Variants in DACT2 observed in about 807,000 individuals in gnomAD.
DACT2 encodes dishevelled binding antagonist of beta catenin 2, also known as dapper homolog 2.
In DACT2, 20 loss-of-function variants were observed where a neutral mutation model predicts 22.2. That is an observed-to-expected ratio of 0.90 (90% CI 0.63 to 1.31). The LOEUF (loss-of-function observed/expected upper bound fraction) is 1.31, where lower values mean the gene tolerates loss of function less well. Ranked by LOEUF, DACT2 falls within the 50% of genes most tolerant of loss-of-function variation. The pLI is 0.00. For missense variants in DACT2, 1,048 were observed against 1,061.4 expected (o/e 0.99, Z 0.18); for synonymous variants, 463 against 479.8 (o/e 0.96, Z 0.46).
In DACT2 at chr6:168,318,433, C is replaced by T. The variant is rs1015330425; in HGVS notation, c.246+955G>A. Among the ~76,000 whole-genome samples the T allele has an allele frequency of 2.0e-5, 3 of 152,180 alleles. No homozygotes were observed. The South Asian group carries it at 6.2e-4, about 31-fold the overall frequency. On this transcript the variant is annotated intron_variant, in intron 1 of 3. Coordinates refer to ENST00000366795, the MANE Select transcript of DACT2 (RefSeq NM_214462.5). ...AACCTGGCTGAGCGAGCGAGGCAGA[C>T]GGTCATGCCGCAGCTTCACCTGGGC...
intron 5 of DACT2, chr6:168,294,086 G>T (rs1583287227): frequency 1.4e-6 from 1 of 702,976 alleles, no homozygotes; most frequent in East Asian, 2.7e-5. Flanking sequence ...GATGGCAGTT[G>T]TGCAGCTAGA....
At chr6:168,305,633 G>GT (rs1779189820), downstream of DACT2, among the ~76,000 whole-genome samples, 2 of 152,214 alleles carry the variant, frequency 1.3e-5, no homozygotes, top group Non-Finnish European at 2.9e-5. Flanking sequence ...TGCGTGGACT[G>GT]AGGCTGCGCC....
downstream of DACT2, among the ~76,000 whole-genome samples, chr6:168,304,837 G>A (rs1018798344): frequency 8.5e-5 from 13 of 152,222 alleles, no homozygotes; most frequent in Admixed American, 4.6e-4. Context: ...GCCTGGTCCC[G>A]CAGAACACTG....
chr6:168,298,701 T>A (rs1296638331), intron 3 of DACT2: 1 of 152,216 alleles, frequency 6.6e-6, no homozygotes, highest in Non-Finnish European at 1.5e-5. Flanking sequence ...ATACATAAGC[T>A]GTGATCTGTT....
Position 168,311,146 on chromosome 6 carries a change from T to C in DACT2, c.379+6A>G, listed in dbSNP as rs532233239. 102 of 1,519,550 alleles carry C rather than the reference T, an allele frequency of 6.7e-5. No homozygotes were observed. Among genetic ancestry groups the C allele is most frequent in the Non-Finnish European group, 9.0e-5 (102 of 1,127,442 alleles). The allele number at this position is 1,519,550 out of a possible 1,614,324, so 94.1% of individuals were successfully genotyped here. A position where few individuals can be genotyped will look rare whatever the true frequency, so the allele number is the denominator to read the frequency against. On this transcript the variant is annotated splice_donor_region_variant and intron_variant, in intron 2 of 3. Coordinates refer to ENST00000366795, the MANE Select transcript of DACT2 (RefSeq NM_214462.5). The stretch of plus-strand genomic sequence containing the variant: ...CTGTGTCCGGGAGGTCAGGGCGCCC[T>C]GGTACCTGAGCTGGGCCTGCTGTCG...
intron 3 of DACT2, chr6:168,299,228 G>A (rs541494476): frequency 7.9e-5 from 12 of 152,228 alleles, no homozygotes; most frequent in African/African-American, 2.6e-4. Flanking sequence ...CCAGTAGCTG[G>A]TGCAGGTCTC....
rs113822899 is a variant in DACT2, at chr6:168,319,613, G to C, written c.21C>G (p.Pro7=). The change falls in exon 1 of 4, where the codon CCC becomes CCG. Residue 7 remains proline, a synonymous_variant. Transcript: ENST00000366795. ...GGCGGTCCCAGCCCGCGGACCCCGG[G>C]GGTCCGCCCGGCGTCCACATCTCCC... The part of the protein sequence containing the change: MWTPGG[P]PGSAGWDRRR... The C allele has an allele frequency of 7.6e-7, 1 of 1,310,202 alleles. No homozygotes were observed. The highest frequency in any genetic ancestry group is 9.7e-7 in the Non-Finnish European group (1 of 1,028,040). The allele number at this position is 1,310,202 out of a possible 1,614,324, so 81.2% of individuals were successfully genotyped here.
At chr6:168,314,705 C>G (rs914644047) in intron 1 of DACT2, among the ~76,000 whole-genome samples, 8 of 152,150 alleles carry the variant, frequency 5.3e-5, no homozygotes, top group African/African-American at 7.2e-5. Flanking sequence ...ATGAAAAATG[C>G]CTTACTGTTC....
At chr6:168,300,775 A>G (rs926336227) in intron 3 of DACT2, among the ~76,000 whole-genome samples, 2 of 152,096 alleles carry the variant, frequency 1.3e-5, no homozygotes, top group Non-Finnish European at 2.9e-5. Context: ...TTACGAGGTC[A>G]GGAGATTGGG....
exon 6 of DACT2, chr6:168,293,781 G>C (rs879752376): frequency 4.4e-6 from 3 of 684,042 alleles, no homozygotes; most frequent in African/African-American, 3.6e-5. Flanking sequence ...GTGACTTGGC[G>C]GGCAGAGGGG....
At chr6:168,314,115 T>C (rs1214968327) in intron 1 of DACT2, among the ~76,000 whole-genome samples, 2 of 152,200 alleles carry the variant, frequency 1.3e-5, no homozygotes, top group Non-Finnish European at 2.9e-5. Context: ...TCACAAAATA[T>C]ATGTGGCCAG....
rs1347078635 is a variant in DACT2, at chr6:168,319,554, G to A, written c.80C>T (p.Ala27Val). 20 of 1,376,362 alleles carry A rather than the reference G, an allele frequency of 1.5e-5. No individual in the cohort carries two copies. Among genetic ancestry groups the A allele is most frequent in the Non-Finnish European group, 1.8e-5 (19 of 1,056,914 alleles). 85.3% of individuals were successfully genotyped at this position (1,376,362 alleles called of 1,614,324 possible). ...RLGARLRAAF[A>V]GLQELQGLRA... ...CAGCCCCTGCAGCTCCTGCAGCCCC[G>A]CGAACGCCGCGCGCAACCTCGCGCC... is the stretch of plus-strand genomic sequence containing the variant. The change falls in exon 1 of 4, where the codon GCG becomes GTG. Residue 27 changes from alanine to valine, a missense_variant. Coordinates refer to ENST00000366795, the MANE Select transcript of DACT2 (RefSeq NM_214462.5).
chr6:168,302,602 G>A (rs1361062639), downstream of DACT2, among the ~76,000 whole-genome samples: 2 of 152,170 alleles, frequency 1.3e-5, no homozygotes, highest in African/African-American at 2.4e-5. Context: ...TGGGATTCAG[G>A]AGCCCAAGGC....
In DACT2 at chr6:168,308,708, C is replaced by T; in HGVS notation, c.1049G>A (p.Ser350Asn). 1.9e-6 allele frequency: 3 copies of T among 1,549,090 alleles called. No individual in the cohort carries two copies. Among genetic ancestry groups the T allele is most frequent in the Non-Finnish European group, 2.6e-6 (3 of 1,146,902 alleles). The change falls in exon 4 of 4, where the codon AGC becomes AAC. Residue 350 changes from serine (S) to asparagine (N), a missense_variant. Transcript: ENST00000366795. Reference sequence around the variant, plus strand: ...CCTTAGAGGTCCCTGTTCTCCCTCGCTACCCTTTGCTGGGGTCTCCCGGCC... The same window carrying T: ...CCTTAGAGGTCCCTGTTCTCCCTCGTTACCCTTTGCTGGGGTCTCCCGGCC... The part of the protein sequence containing the change: ...LWGRETPAKG[S>N]EGEQGPLRHA...
chr6:168,306,214 C>G (rs571470804), downstream of DACT2, among the ~76,000 whole-genome samples: 224 of 152,294 alleles, frequency 1.5e-3, 1 homozygote, highest in Non-Finnish European at 1.6e-3. Flanking sequence ...CCTGAGGGGC[C>G]CAGGACGTCT....
chr6:168,312,018 T>G (rs1054495705), intron 1 of DACT2, among the ~76,000 whole-genome samples: 2 of 152,112 alleles, frequency 1.3e-5, no homozygotes, highest in Admixed American at 6.5e-5. Context: ...GAAAGTCCCT[T>G]GGAAAGAAAG....
Position 168,308,917 on chromosome 6 carries a change from G to A in DACT2, c.840C>T (p.His280=), listed in dbSNP as rs569420736. ...ACAGGGGGCTCTGTAGAGCCACGGC[G>A]TGCAGGGGGCTGGGGTACGGGTACA... ...REVYPYPSPL[H]AVALQSPLFV... Residue 280 remains histidine, a synonymous_variant, in exon 4 of 4, where the codon CAC becomes CAT. Transcript: ENST00000366795. The A allele has an allele frequency of 6.7e-5, 104 of 1,550,640 alleles. No homozygotes were observed. The highest frequency in any genetic ancestry group is 6.7e-4 in the African/African-American group (49 of 73,172).
rs1166376861 is a variant in DACT2 at position 168,308,142 on chromosome 6, A to T, written c.1615T>A (p.Trp539Arg). The change falls in exon 4 of 4, where the codon TGG becomes AGG. Residue 539 changes from tryptophan to arginine, a missense_variant. Transcript: ENST00000366795. ...QPSLEWDPAH[W>R]PTGRGGLQRR... ...TGGAGCCCGCCCCTCCCTGTGGGCC[A>T]GTGGGCAGGGTCCCACTCCAGGGAT... 1.9e-6 allele frequency: 3 copies of T among 1,549,890 alleles called. No homozygotes were observed. In the Admixed American group the frequency reaches 5.9e-5, roughly 30 times the overall value.
intron 3 of DACT2, chr6:168,294,747 A>C (rs1272024043): frequency 3.9e-6 from 4 of 1,021,558 alleles, no homozygotes; most frequent in Non-Finnish European, 5.3e-6. Flanking sequence ...GCTACAGAAC[A>C]CACCTGCAGC....
Sources: gnomAD v4.1 joint callset for allele counts (sites outside exome capture counted in the v4.1 genomes callset) on GRCh38, gnomAD v4.1.1 for gene constraint, MANE v1.5 for transcripts, NCBI Gene and HGNC (gene_info 2026-07-23, HGNC 2026-07-21) for gene names.